PEAK1: variants seen among roughly 807,000 people sequenced by gnomAD.
PEAK1 encodes the protein inactive tyrosine-protein kinase PEAK1.
Under a neutral mutation model 124.7 loss-of-function variants are expected in PEAK1, and 54 were observed. The ratio of observed to expected loss-of-function variants is 0.43; its 90% CI spans 0.35 to 0.54. The LOEUF (loss-of-function observed/expected upper bound fraction) is 0.54. Ranked by LOEUF, PEAK1 falls within the 20% of genes least tolerant of loss-of-function variation. The pLI, the probability that PEAK1 is intolerant of heterozygous loss-of-function variation, is 0.01. For missense variants in PEAK1, 2,046 were observed against 2,134.5 expected, an observed-to-expected ratio of 0.96 and a Z score of 0.82; for synonymous variants, 719 against 760.0, an observed-to-expected ratio of 0.95 and a Z score of 0.89.
intron 1 of PEAK1, chr15:77,419,204 G>T (rs1393953083): frequency 1.0e-6 from 1 of 985,144 alleles, no homozygotes; most frequent in African/African-American, 1.7e-5. Flanking sequence ...AGAGGCAGGC[G>T]GGGGAGGAGG....
intron 5 of PEAK1, among the ~76,000 whole-genome samples, chr15:77,260,999 C>G (rs2061410487): frequency 6.6e-6 from 1 of 152,208 alleles, no homozygotes; most frequent in Non-Finnish European, 1.5e-5. Flanking sequence ...GCTGCTGATA[C>G]CCAGGCAAAC....
At chr15:77,129,775 A>G (rs1225554056) in intron 9 of PEAK1, among the ~76,000 whole-genome samples, 2 of 152,108 alleles carry the variant, frequency 1.3e-5, no homozygotes, top group Admixed American at 1.3e-4. Context: ...GCAACATTTT[A>G]AAGAACTTTT....
intron 7 of PEAK1, among the ~76,000 whole-genome samples, chr15:77,176,055 G>A (rs1332288492): frequency 6.6e-6 from 1 of 151,072 alleles, no homozygotes; most frequent in South Asian, 2.1e-4. Flanking sequence ...TGAACAATGA[G>A]AACACATGGA....
chr15:77,308,457 C>A lies in PEAK1; in HGVS notation c.-602-21953G>T, dbSNP rs77205903. Among the ~76,000 whole-genome samples, 618 of 152,012 alleles carry A rather than the reference C, an allele frequency of 4.1e-3. 6 individuals carry two copies. Among genetic ancestry groups the A allele is most frequent in the African/African-American group, 0.014 (587 of 41,492 alleles). ...CCTCTGTGCTTTACTTTCAACATAC[C>A]CCTCATTTGTATTTAAGTCCCTTCT... On this transcript the variant is annotated intron_variant, in intron 2 of 9. Transcript: ENST00000682557.
chr15:77,260,412 C>G (rs1478115388), intron 5 of PEAK1, among the ~76,000 whole-genome samples: 1 of 151,564 alleles, frequency 6.6e-6, no homozygotes, highest in East Asian at 1.9e-4. Context: ...GGCCCATAAC[C>G]AGAAAAATAT....
intron 9 of PEAK1, among the ~76,000 whole-genome samples, chr15:77,130,271 A>G (rs559090816): frequency 6.6e-6 from 1 of 152,314 alleles, no homozygotes; most frequent in Non-Finnish European, 1.5e-5. Flanking sequence ...TTGCAGCAAT[A>G]AGGGCCCAAG....
chr15:77,259,624 A>T (rs998941929), intron 5 of PEAK1, among the ~76,000 whole-genome samples: 3 of 152,196 alleles, frequency 2.0e-5, no homozygotes, highest in Non-Finnish European at 4.4e-5. Flanking sequence ...TCTGCTTCTG[A>T]CCATGAGGGA....
At chr15:77,343,312 G>GT (rs936897197) in intron 2 of PEAK1, among the ~76,000 whole-genome samples, 1 of 151,946 alleles carries the variant, frequency 6.6e-6, no homozygotes, top group East Asian at 1.9e-4. Flanking sequence ...GAATTGTTTG[G>GT]TTTTTTGTAG....
chr15:77,279,106 T>C (rs201174351), intron 5 of PEAK1, among the ~76,000 whole-genome samples: 27 of 74,612 alleles, frequency 3.6e-4, no homozygotes, highest in African/African-American at 4.7e-4. Flanking sequence ...CGTGTGTGCG[T>C]GTGTGTGTGT....
intron 2 of PEAK1, chr15:77,350,624 AAAC>A (rs982478342): frequency 1.9e-5 from 19 of 984,976 alleles, no homozygotes; most frequent in Middle Eastern, 5.2e-4. Context: ...AAAAAAAAAA[AAAC>A]AAGGCCCAGC....
intron 1 of PEAK1, chr15:77,418,938 G>A: frequency 4.1e-6 from 4 of 985,298 alleles, no homozygotes; most frequent in Non-Finnish European, 4.8e-6. Flanking sequence ...ATCATCCAAT[G>A]ACCTAAAAAT....
chr15:77,402,625 T>C, intron 1 of PEAK1: 2 of 984,868 alleles, frequency 2.0e-6, no homozygotes, highest in Non-Finnish European at 2.4e-6. Context: ...AGTGGGGGCA[T>C]ATAATGAAAA....
chr15:77,232,886 C>G (rs936716356), intron 6 of PEAK1, among the ~76,000 whole-genome samples: 1 of 152,154 alleles, frequency 6.6e-6, no homozygotes, highest in Non-Finnish European at 1.5e-5. Flanking sequence ...GCTGGGATAA[C>G]AGGCACCTGC....
intron 5 of PEAK1, chr15:77,278,478 A>G: frequency 2.0e-6 from 1 of 491,316 alleles, no homozygotes; most frequent in Non-Finnish European, 4.1e-6. Flanking sequence ...CCCAAGAGAA[A>G]GGCTGAAGGG....
At chr15:77,205,823 A>AT (rs1465976354) in intron 6 of PEAK1, among the ~76,000 whole-genome samples, 3 of 151,996 alleles carry the variant, frequency 2.0e-5, no homozygotes, top group Non-Finnish European at 4.4e-5. Flanking sequence ...ATTATTAATT[A>AT]TTTTTTATTT....
At chr15:77,203,326 T>C (rs2058463987) in intron 6 of PEAK1, among the ~76,000 whole-genome samples, 1 of 152,224 alleles carries the variant, frequency 6.6e-6, no homozygotes, top group East Asian at 1.9e-4. Context: ...CAATAAAACA[T>C]AGAGACAATA....
chr15:77,406,699 A>C (rs1227768101), intron 1 of PEAK1, among the ~76,000 whole-genome samples: 1 of 152,218 alleles, frequency 6.6e-6, no homozygotes, highest in Non-Finnish European at 1.5e-5. Flanking sequence ...AAATGACCAG[A>C]GTGCCAAAAG....
chr15:77,295,699 ACTT>A (rs1348955882), intron 2 of PEAK1, among the ~76,000 whole-genome samples: 1 of 152,228 alleles, frequency 6.6e-6, no homozygotes, highest in Non-Finnish European at 1.5e-5. Flanking sequence ...AGTGGATCAG[ACTT>A]CTTATCTTAT....
At chr15:77,330,484 T>C (rs539796868) in intron 2 of PEAK1, among the ~76,000 whole-genome samples, 1 of 130,346 alleles carries the variant, frequency 7.7e-6, no homozygotes, top group Non-Finnish European at 1.7e-5. Context: ...TCCAAAGTGC[T>C]TACAAAAGGT....
Sources: gnomAD v4.1 joint callset for allele counts (sites outside exome capture counted in the v4.1 genomes callset) on GRCh38, gnomAD v4.1.1 for gene constraint, MANE v1.5 for transcripts, NCBI Gene and HGNC (gene_info 2026-07-23, HGNC 2026-07-21) for gene names.